Variants in RFC1 observed in about 807,000 individuals in gnomAD.
The protein encoded by RFC1 is A1 140 kDa subunit.
In RFC1, 37 loss-of-function variants were observed where a neutral mutation model predicts 137.4. The observed-to-expected ratio is 0.27, with a 90% CI of 0.21 to 0.35. RFC1 has a LOEUF of 0.35. Ranked by LOEUF, RFC1 falls within the 10% of genes least tolerant of loss-of-function variation. The pLI, the probability that RFC1 is intolerant of heterozygous loss-of-function variation, is 1.00. For missense variants in RFC1, 1,205 were observed against 1,358.5 expected (o/e 0.89, Z 1.78); for synonymous variants, 429 against 455.7 (o/e 0.94, Z 0.75).
In RFC1 at chr4:39,303,110, T is replaced by C. The variant is rs930143957; in HGVS notation, c.2152A>G (p.Met718Val). 1 of 1,614,000 alleles carries C rather than the reference T, an allele frequency of 6.2e-7. No individual in the cohort carries two copies. The highest frequency in any genetic ancestry group is 1.7e-5 in the Admixed American group (1 of 60,018). The change falls in exon 16 of 25, where the codon ATG becomes GTG. Residue 718 changes from methionine to valine, a missense_variant. By Grantham distance (21) the Met-to-Val change is conservative (BLOSUM62 1). This residue lies in a region of RFC1 where 962 missense variants were observed against 1,035.3 expected (regional missense o/e 0.93). Transcript: ENST00000349703. ...CCTGCCATGCCATCTACTTCATCCA[T>C]GATGAGAGCATGTTTCGTGCTTACT... is the stretch of plus-strand genomic sequence containing the variant. ...SSVSTKHALIMDEVDGMAGNE... is the reference protein window; with the variant it reads ...SSVSTKHALIVDEVDGMAGNE...
At chr4:39,341,471 T>A in intron 4 of RFC1, 1 of 374,098 alleles carries the variant, frequency 2.7e-6, no homozygotes, top group Non-Finnish European at 5.3e-6. Flanking sequence ...CCAAAAAATA[T>A]GTTCACATCA....
In RFC1 at chr4:39,329,092, A is replaced by G. The variant is rs904977656; in HGVS notation, c.332-1336T>C. Among the ~76,000 whole-genome samples, 13 of 126,962 alleles carry G rather than the reference A, an allele frequency of 1.0e-4. No individual in the cohort carries two copies. The Admixed American group carries it at 1.2e-3, about 12-fold the overall frequency. 83.3% of individuals were successfully genotyped at this position (126,962 alleles called of 152,430 possible). On this transcript the variant is annotated intron_variant, in intron 4 of 24. Transcript: ENST00000349703. ...AGGAGCTCCAAAAATGTACCTCAAA[A>G]GGGCCTCAATAAATTTGTTTGCTTC...
chr4:39,298,214 G>A (rs979520454), intron 21 of RFC1, among the ~76,000 whole-genome samples: 1 of 151,266 alleles, frequency 6.6e-6, no homozygotes, highest in Non-Finnish European at 1.5e-5. Flanking sequence ...GGGCTGAGGC[G>A]GGAGGATCAC....
intron 2 of RFC1, among the ~76,000 whole-genome samples, chr4:39,350,283 T>C (rs1290819569): frequency 2.0e-5 from 3 of 152,068 alleles, no homozygotes; most frequent in East Asian, 1.9e-4. Flanking sequence ...GTTTATGTAA[T>C]TGTAATTCAA....
intron 12 of RFC1, 43 bp downstream of exon 12, chr4:39,311,402 A>C: frequency 6.6e-7 from 1 of 1,524,286 alleles, no homozygotes; most frequent in Non-Finnish European, 9.1e-7. Context: ...GAAATTAAAA[A>C]GTTAATATAC....
At position 39,357,907 on chromosome 4, in the gene RFC1, C is replaced by T. The variant is rs1193409946; in HGVS notation, c.4-6431G>A. ...CAGGCATGAGCCACAGCGCCCGGCC[C>T]AGAAGCTAGCTTTTTACAACTGACT... On this transcript the variant is annotated intron_variant, in intron 1 of 24. Coordinates refer to ENST00000349703, the MANE Select transcript of RFC1 (RefSeq NM_002913.5). Among the ~76,000 whole-genome samples the T allele has an allele frequency of 2.6e-5, 4 of 152,054 alleles. No individual in the cohort carries two copies. The East Asian group carries it at 7.8e-4, about 30-fold the overall frequency.
At chr4:39,330,669 C>T (rs965447284) in intron 4 of RFC1, among the ~76,000 whole-genome samples, 6 of 152,174 alleles carry the variant, frequency 3.9e-5, no homozygotes, top group African/African-American at 1.4e-4. Context: ...AGTTAGCAGG[C>T]TCCTAATAAA....
At chr4:39,348,690 A>AT (rs1229530583) in intron 2 of RFC1, among the ~76,000 whole-genome samples, 65 of 152,206 alleles carry the variant, frequency 4.3e-4, no homozygotes, top group Non-Finnish European at 4.1e-4. Flanking sequence ...CCCCAAAAGC[A>AT]ATTCAGAGAT....
Position 39,304,819 on chromosome 4 carries a change from TA to T in RFC1, c.2104del (p.Tyr702IlefsTer9). On this transcript the variant is annotated frameshift_variant, in exon 15 of 25. Coordinates refer to ENST00000349703, the MANE Select transcript of RFC1 (RefSeq NM_002913.5). LOFTEE classifies it high-confidence loss of function. Reference protein sequence around the residue: ...SLNNTSIKGFYSNGAASSVST... With the variant: ...SLNNTSIKGFXSNGAASSVST... ...GAGGTCAAAAAGCCACATACTTGAA[TA>T]AAAGCCTTTGATGCTGGTATTGTTC... 1 of 1,592,270 alleles carries T rather than the reference TA, an allele frequency of 6.3e-7. No individual in the cohort carries two copies. The highest frequency in any genetic ancestry group is 8.6e-7 in the Non-Finnish European group (1 of 1,160,174).
At chr4:39,310,872 T>C (rs576586995) in intron 12 of RFC1, among the ~76,000 whole-genome samples, 85 of 152,192 alleles carry the variant, frequency 5.6e-4, no homozygotes, top group Non-Finnish European at 1.1e-3. Context: ...CCGGGAACAG[T>C]GGCTCACACC....
intron 4 of RFC1, chr4:39,341,650 C>T (rs1288585729): frequency 2.2e-6 from 1 of 456,182 alleles, no homozygotes; most frequent in Admixed American, 2.3e-5. Flanking sequence ...CCGTATTATT[C>T]CGGTTATTGT....
At chr4:39,293,600 T>G (rs1005506217) in intron 22 of RFC1, among the ~76,000 whole-genome samples, 1 of 152,202 alleles carries the variant, frequency 6.6e-6, no homozygotes, top group African/African-American at 2.4e-5. Flanking sequence ...TTAAAAATTA[T>G]GAATTCACTA....
At chr4:39,298,387 G>T (rs1738152913) in intron 21 of RFC1, among the ~76,000 whole-genome samples, 1 of 151,684 alleles carries the variant, frequency 6.6e-6, no homozygotes, top group Non-Finnish European at 1.5e-5. Context: ...ATGTGTGAGT[G>T]GAATCAAGAG....
At chr4:39,310,289 C>A (rs1481827639) in intron 12 of RFC1, among the ~76,000 whole-genome samples, 4 of 152,132 alleles carry the variant, frequency 2.6e-5, no homozygotes, top group Non-Finnish European at 5.9e-5. Context: ...GAAGACACAA[C>A]TAAATGCAGT....
chr4:39,323,653 T>G (rs1419452353), intron 6 of RFC1, among the ~76,000 whole-genome samples: 2 of 152,238 alleles, frequency 1.3e-5, no homozygotes. Flanking sequence ...AAAGTGAGCA[T>G]ATTTTTAAAG....
intron 6 of RFC1, among the ~76,000 whole-genome samples, chr4:39,326,050 A>AT (rs1560607357): frequency 6.6e-6 from 1 of 152,208 alleles, no homozygotes; most frequent in East Asian, 1.9e-4. Flanking sequence ...AAATACATAA[A>AT]TTAGCCAGGC....
intron 1 of RFC1, among the ~76,000 whole-genome samples, chr4:39,360,846 T>C (rs1175747381): frequency 2.0e-5 from 3 of 152,204 alleles, no homozygotes. Context: ...GTTGACAAAA[T>C]ATTGTATTTT....
rs1376783740 is a variant in RFC1, at chr4:39,289,765, T to C, written c.3360+83A>G. ...GAAGTATTTTCAAGTTATTCTGCTA[T>C]GTGCTGAAAAGGCCCTATTATTCAC... On this transcript the variant is annotated intron_variant, in intron 24 of 24. Coordinates refer to ENST00000349703, the MANE Select transcript of RFC1 (RefSeq NM_002913.5). 3.4e-6 allele frequency: 3 copies of C among 888,058 alleles called. No individual in the cohort carries two copies. In the East Asian group the frequency reaches 7.2e-5, roughly 21 times the overall value. The allele number at this position is 888,058 out of a possible 1,614,324, so 55.0% of individuals were successfully genotyped here. A position where few individuals can be genotyped will look rare whatever the true frequency, so the allele number is the denominator to read the frequency against.
chr4:39,328,070 C>T (rs1050192961), intron 4 of RFC1, among the ~76,000 whole-genome samples: 6 of 152,132 alleles, frequency 3.9e-5, no homozygotes, highest in Admixed American at 3.9e-4. Context: ...GAGGTTGAGG[C>T]TGCAGTTAGC....
Sources: gnomAD v4.1 joint callset for allele counts (sites outside exome capture counted in the v4.1 genomes callset) on GRCh38, gnomAD v4.1.1 for gene constraint, gnomAD v4.1.1 regional missense constraint, MANE v1.5 for transcripts, NCBI Gene and HGNC (gene_info 2026-07-23, HGNC 2026-07-21) for gene names.